The following NME8 variants were observed in gnomAD, a reference collection of about 807,000 sequenced individuals.
NME8 encodes NME/NM23 family member 8, also known as protein NME8.
NME8 carries 72 observed loss-of-function variants against 82.3 expected under a neutral mutation model. The ratio of observed to expected loss-of-function variants is 0.87; its 90% CI spans 0.72 to 1.06. The LOEUF is 1.06. Ranked by LOEUF, NME8 falls within the 50% of genes least tolerant of loss-of-function variation. The probability of loss-of-function intolerance (pLI) is 0.00; values close to 1 mark genes in which losing one functional copy is unlikely to be tolerated. For missense variants in NME8, 712 were observed against 685.4 expected (o/e 1.04, Z -0.43); for synonymous variants, 267 against 228.5 (o/e 1.17, Z -1.52).
Position 37,893,949 on chromosome 7 carries a change from C to T in NME8, c.1400-517C>T, listed in dbSNP as rs147685085. Among the ~76,000 whole-genome samples, 898 of 152,194 alleles carry T rather than the reference C, an allele frequency of 5.9e-3. 6 individuals carry two copies. The highest frequency in any genetic ancestry group is 0.02 in the African/African-American group (845 of 41,520). On this transcript the variant is annotated intron_variant, in intron 15 of 17. Transcript: ENST00000199447. ...TTTTGATCTGGAGCAAAGAAGAGGC[C>T]GTTTTACCAGAAAGCTCCCAGTTTC... is the stretch of plus-strand genomic sequence containing the variant.
At chr7:37,872,349 A>T (rs1462369920) in intron 11 of NME8, among the ~76,000 whole-genome samples, 1 of 152,186 alleles carries the variant, frequency 6.6e-6, no homozygotes, top group Non-Finnish European at 1.5e-5. Flanking sequence ...ATCAGACCTA[A>T]GCCCCAGTGA....
intron 16 of NME8, among the ~76,000 whole-genome samples, chr7:37,894,994 A>G (rs1022059004): frequency 1.3e-5 from 2 of 151,758 alleles, no homozygotes; most frequent in African/African-American, 4.8e-5. Flanking sequence ...AACATACTTA[A>G]TTGTTGCCTG....
At chr7:37,897,523 C>T (rs1417802169) in intron 17 of NME8, among the ~76,000 whole-genome samples, 5 of 152,006 alleles carry the variant, frequency 3.3e-5, no homozygotes, top group Admixed American at 3.3e-4. Context: ...TTTATTTGTT[C>T]TAAACAAAAA....
At chr7:37,886,553 C>A (rs185031836) in intron 14 of NME8, among the ~76,000 whole-genome samples, 1 of 152,206 alleles carries the variant, frequency 6.6e-6, no homozygotes, top group East Asian at 1.9e-4. Context: ...ATTGTTTTAC[C>A]CAAAATATGA....
At chr7:37,860,795 A>G (rs961561401) in intron 6 of NME8, among the ~76,000 whole-genome samples, 1 of 152,136 alleles carries the variant, frequency 6.6e-6, no homozygotes, top group African/African-American at 2.4e-5. Context: ...TCAATACCAG[A>G]TCTTCCTCCC....
Position 37,876,775 on chromosome 7 carries a change from G to T in NME8, c.819-57G>T, listed in dbSNP as rs540761817. ...TGAACATATCAGATTTAATTTGTTG[G>T]CATGGTTATAAACCTCAGTTTATAA... is the stretch of plus-strand genomic sequence containing the variant. On this transcript the variant is annotated intron_variant, in intron 11 of 17. Transcript: ENST00000199447. 1.5e-5 allele frequency: 18 copies of T among 1,239,112 alleles called. No homozygotes were observed. The African/African-American group carries it at 2.7e-4, about 19-fold the overall frequency. The allele number at this position is 1,239,112 out of a possible 1,614,324, so 76.8% of individuals were successfully genotyped here.
chr7:37,899,613 A>G (rs1785283383), intron 17 of NME8, among the ~76,000 whole-genome samples: 1 of 152,082 alleles, frequency 6.6e-6, no homozygotes, highest in African/African-American at 2.4e-5. Flanking sequence ...CTGTGCAGCA[A>G]ACTACCATGG....
rs79467686 is a variant in NME8, at chr7:37,863,500, T to C, written c.454+38T>C. 7.1e-4 allele frequency: 858 copies of C among 1,204,656 alleles called. 4 individuals carry two copies. In the East Asian group the frequency reaches 0.011, roughly 16 times the overall value. 74.6% of individuals were successfully genotyped at this position (1,204,656 alleles called of 1,614,324 possible). A position where few individuals can be genotyped will look rare whatever the true frequency, so the allele number is the denominator to read the frequency against. The stretch of plus-strand genomic sequence containing the variant: ...ACTTCAAAGTAATCCAAGGGTTTTC[T>C]GTACGTGGGCGGTCATCACAGCATC... On this transcript the variant is annotated intron_variant, in intron 8 of 17. Transcript: ENST00000199447.
intron 11 of NME8, among the ~76,000 whole-genome samples, chr7:37,869,695 C>A (rs972579891): frequency 1.3e-5 from 2 of 152,138 alleles, no homozygotes; most frequent in Non-Finnish European, 2.9e-5. Flanking sequence ...TACAGTATTT[C>A]CTTTCTAAAC....
chr7:37,856,821 A>C (rs1165887076), intron 5 of NME8, among the ~76,000 whole-genome samples: 7 of 152,308 alleles, frequency 4.6e-5, no homozygotes, highest in African/African-American at 1.7e-4. Context: ...ATCTCTGTGC[A>C]CACAACTCTC....
At chr7:37,865,052 G>A (rs1784657026) in intron 9 of NME8, among the ~76,000 whole-genome samples, 1 of 152,026 alleles carries the variant, frequency 6.6e-6, no homozygotes, top group South Asian at 2.1e-4. Flanking sequence ...TCTGCTCCTG[G>A]CCCCTACCAA....
chr7:37,850,768 T>C (rs1784427914), intron 5 of NME8, 33 bp downstream of exon 5: 1 of 1,360,768 alleles, frequency 7.3e-7, no homozygotes, highest in Non-Finnish European at 1.1e-6. Flanking sequence ...ACCACTGTTT[T>C]CACATTATAT....
At chr7:37,856,667 T>A (rs1482186826) in intron 5 of NME8, among the ~76,000 whole-genome samples, 2 of 152,202 alleles carry the variant, frequency 1.3e-5, no homozygotes, top group Non-Finnish European at 2.9e-5. Flanking sequence ...TGAGAAAATA[T>A]TAAGAAAATT....
chr7:37,893,979 T>C (rs1331388347), intron 15 of NME8, among the ~76,000 whole-genome samples: 1 of 152,168 alleles, frequency 6.6e-6, no homozygotes, highest in African/African-American at 2.4e-5. Flanking sequence ...AGTTTCTCAG[T>C]TGGTTCACCT....
chr7:37,899,815 G>A (rs759784954), intron 17 of NME8, among the ~76,000 whole-genome samples: 25 of 152,060 alleles, frequency 1.6e-4, no homozygotes, highest in Admixed American at 7.2e-4. Flanking sequence ...TCTGACCTGA[G>A]AGTCCTGCTG....
chr7:37,850,553 C>G (rs1326099509), intron 4 of NME8, 76 bp from the exon 5 acceptor site: 1 of 1,505,418 alleles, frequency 6.6e-7, no homozygotes, highest in African/African-American at 1.4e-5. Flanking sequence ...TTTGCCCTGG[C>G]CATGGCTCCA....
At chr7:37,852,492 A>C (rs527793015) in intron 5 of NME8, among the ~76,000 whole-genome samples, 19 of 152,112 alleles carry the variant, frequency 1.2e-4, no homozygotes, top group African/African-American at 4.6e-4. Context: ...AATCCTCTGT[A>C]ATCTGTTCAT....
At chr7:37,896,412 T>C (rs1034528035) in intron 16 of NME8, among the ~76,000 whole-genome samples, 1 of 152,150 alleles carries the variant, frequency 6.6e-6, no homozygotes, top group African/African-American at 2.4e-5. Context: ...CACAGCTAGA[T>C]TGGTCTATCA....
intron 12 of NME8, among the ~76,000 whole-genome samples, chr7:37,882,613 G>GAGAGAGAGAGAGAGAA (rs1273553790): frequency 9.4e-5 from 8 of 85,060 alleles, no homozygotes; most frequent in Non-Finnish European, 1.5e-4. Context: ...GAGAGAGAGA[G>GAGAGAGAGAGAGAGAA]AGAAAGAAAG....
Sources: gnomAD v4.1 joint callset for allele counts (sites outside exome capture counted in the v4.1 genomes callset) on GRCh38, gnomAD v4.1.1 for gene constraint, MANE v1.5 for transcripts, NCBI Gene and HGNC (gene_info 2026-07-23, HGNC 2026-07-21) for gene names.